Variants in DPP3 observed in about 807,000 individuals in gnomAD.
The protein encoded by DPP3 is dipeptidyl peptidase 3.
Under a neutral mutation model 89.8 loss-of-function variants are expected in DPP3, and 64 were observed. The observed-to-expected ratio is 0.71, with a 90% CI of 0.58 to 0.88. The LOEUF is 0.88. Ranked by LOEUF, DPP3 falls within the 40% of genes least tolerant of loss-of-function variation. The pLI is 0.00. For missense variants in DPP3, 835 were observed against 972.5 expected (o/e 0.86, Z 1.88); for synonymous variants, 377 against 404.3 (o/e 0.93, Z 0.81).
chr11:66,493,396 T>C (rs1855449173), intron 11 of DPP3, 145 bp from the exon 12 acceptor site: 2 of 881,032 alleles, frequency 2.3e-6, no homozygotes, highest in Non-Finnish European at 3.5e-6. Flanking sequence ...GTTGCAAGGA[T>C]GAAATGGGCT....
rs1451570883 is a variant in DPP3 at position 66,509,109 on chromosome 11, C to T, written c.2072C>T (p.Ala691Val). The T allele has an allele frequency of 3.1e-6, 5 of 1,614,130 alleles. No homozygotes were observed. The highest frequency in any genetic ancestry group is 1.7e-4 in the Middle Eastern group (1 of 6,058). Residue 691 changes from alanine (A) to valine (V), a missense_variant, in exon 18 of 18, where the codon GCG becomes GTG. Physicochemically the swap from Ala to Val is moderately conservative, Grantham distance 64. Transcript: ENST00000531863. ...GSDVQLLEYE[A>V]SAAGLIRSFS... Reference sequence around the variant, plus strand: ...GACGTGCAGCTTCTGGAATACGAGGCGTCAGCTGCTGGCCTCATCCGATCC... The same window carrying T: ...GACGTGCAGCTTCTGGAATACGAGGTGTCAGCTGCTGGCCTCATCCGATCC...
At chr11:66,495,085 C>T (rs767897471) in intron 12 of DPP3, 121 bp from the exon 13 acceptor site, 18 of 1,429,180 alleles carry the variant, frequency 1.3e-5, no homozygotes, top group African/African-American at 7.0e-5. Flanking sequence ...CTGCTGCTCC[C>T]GCCGCCCGCT....
chr11:66,487,440 T>C, intron 5 of DPP3, 98 bp downstream of exon 5: 1 of 1,277,226 alleles, frequency 7.8e-7, no homozygotes, highest in Non-Finnish European at 1.1e-6. Context: ...TCTGCTTGAC[T>C]ACTCCCTGTG....
intron 17 of DPP3, among the ~76,000 whole-genome samples, chr11:66,508,454 G>C (rs1405388486): frequency 6.6e-6 from 1 of 152,176 alleles, no homozygotes; most frequent in Non-Finnish European, 1.5e-5. Flanking sequence ...TTGCTGAATT[G>C]TGAGCTTCAG....
At chr11:66,489,110 G>A (rs7943327) in intron 6 of DPP3, among the ~76,000 whole-genome samples, 7 of 151,908 alleles carry the variant, frequency 4.6e-5, no homozygotes, top group African/African-American at 7.3e-5. Context: ...GGTGATCCGC[G>A]TGCCTCTCGG....
At chr11:66,486,876 C>G (rs1855244342) in intron 4 of DPP3, among the ~76,000 whole-genome samples, 199 bp downstream of exon 4, 2 of 152,262 alleles carry the variant, frequency 1.3e-5, no homozygotes, top group Middle Eastern at 3.4e-3. Flanking sequence ...TTCTGAATGC[C>G]CTCCCAGATC....
chr11:66,483,529 G>A (rs1246258501), intron 2 of DPP3, among the ~76,000 whole-genome samples: 3 of 151,866 alleles, frequency 2.0e-5, no homozygotes, highest in African/African-American at 7.3e-5. Flanking sequence ...CTTTTTTATT[G>A]ACTGTAAAGC....
intron 6 of DPP3, among the ~76,000 whole-genome samples, chr11:66,490,546 G>A (rs1387603513): frequency 2.0e-5 from 3 of 151,718 alleles, no homozygotes; most frequent in Admixed American, 6.6e-5. Context: ...TGGGACTGTC[G>A]ATTACATTTG....
intron 11 of DPP3, 95 bp from the exon 12 acceptor site, chr11:66,493,446 C>T: frequency 7.6e-7 from 1 of 1,313,960 alleles, no homozygotes; most frequent in Admixed American, 2.1e-5. Context: ...AGCACATGCA[C>T]TGAGATGGGT....
rs190998270 is a variant in DPP3, at chr11:66,492,593, C to T, written c.989-123C>T. The T allele has an allele frequency of 4.8e-5, 58 of 1,208,468 alleles. No homozygotes were observed. In the East Asian group the frequency reaches 1.4e-3, roughly 29 times the overall value. 74.9% of individuals were successfully genotyped at this position (1,208,468 alleles called of 1,614,324 possible). A position where few individuals can be genotyped will look rare whatever the true frequency, so the allele number is the denominator to read the frequency against. On this transcript the variant is annotated intron_variant, in intron 9 of 17. Transcript: ENST00000531863. ...CCCAGGCCTGGGTCACTGCTATCCC[C>T]ATCTTCCAGCCCAGGGTGACTGCAT...
intron 17 of DPP3, among the ~76,000 whole-genome samples, chr11:66,508,652 AGCTGGGACTACAG>A (rs947682949): frequency 2.0e-5 from 3 of 152,124 alleles, no homozygotes; most frequent in Non-Finnish European, 4.4e-5. Context: ...CCTCCCGAGT[AGCTGGGACTACAG>A]GCTCATGCCA....
At chr11:66,486,822 AG>A in intron 4 of DPP3, 145 bp downstream of exon 4, 1 of 1,022,700 alleles carries the variant, frequency 9.8e-7, no homozygotes, top group Non-Finnish European at 1.4e-6. Flanking sequence ...TGCAGGCCTC[AG>A]TTTTGTCATC....
intron 14 of DPP3, 68 bp from the exon 15 acceptor site, chr11:66,495,562 G>A (rs1250362894): frequency 6.2e-7 from 1 of 1,612,918 alleles, no homozygotes; most frequent in Non-Finnish European, 8.5e-7. Context: ...AGGGTGGGTG[G>A]TAGTGGCCAG....
Position 66,482,313 on chromosome 11 carries a change from C to G in DPP3, c.113C>G (p.Ser38Cys). ...PTERLYAYHL[S>C]RAAWYGGLAV... is the part of the protein sequence containing the mutation. Reference sequence around the variant, plus strand: ...GAGCGCCTCTATGCCTACCACCTGTCCCGTGCCGCCTGGTACGGAGGCCTG... The same window carrying G: ...GAGCGCCTCTATGCCTACCACCTGTGCCGTGCCGCCTGGTACGGAGGCCTG... The change falls in exon 2 of 18, where the codon TCC (serine) becomes TGC (cysteine). Residue 38 changes from serine to cysteine, a missense_variant. Transcript: ENST00000531863. 1 of 1,614,048 alleles carries G rather than the reference C, an allele frequency of 6.2e-7. No homozygotes were observed. The highest frequency in any genetic ancestry group is 1.1e-5 in the South Asian group (1 of 91,086).
rs200849857 is a variant in DPP3, at chr11:66,492,879, C to T, written c.1152C>T (p.Ser384=). 9.9e-6 allele frequency: 16 copies of T among 1,613,314 alleles called. No individual in the cohort carries two copies. Among genetic ancestry groups the T allele is most frequent in the African/African-American group, 6.7e-5 (5 of 74,916 alleles). The change falls in exon 10 of 18, where the codon TCC becomes TCT. Residue 384 remains serine (S), a synonymous_variant. Coordinates refer to ENST00000531863, the MANE Select transcript of DPP3 (RefSeq NM_130443.4). The part of the protein sequence containing the change: ...TSLDVLTFAG[S]GIPAGINIPN... ...TGGATGTTCTCACCTTCGCTGGCTCCGGCATCCCTGCCGGCATCAACATCC... is the reference window on the plus strand; with the variant it reads ...TGGATGTTCTCACCTTCGCTGGCTCTGGCATCCCTGCCGGCATCAACATCC...
intron 6 of DPP3, among the ~76,000 whole-genome samples, chr11:66,488,890 C>T (rs1040275814): frequency 3.3e-5 from 5 of 152,100 alleles, no homozygotes; most frequent in South Asian, 2.1e-4. Flanking sequence ...CTTGCTGTAT[C>T]GCCCAGGCTG....
chr11:66,492,989 C>T, intron 10 of DPP3, 78 bp from the exon 11 acceptor site: 2 of 1,605,304 alleles, frequency 1.2e-6, no homozygotes, highest in East Asian at 4.5e-5. Context: ...CACACACCCT[C>T]CACAAACTGC....
chr11:66,497,441 C>T lies in DPP3; in HGVS notation c.1842C>T (p.Gly614=), dbSNP rs529593558. ...ACCGCAGCAAGATCCGGTCTGTGGG[C>T]AAGCCTGCTCTAGAGCGCTTCCTGC... ...RLDRSKIRSV[G]KPALERFLRR... The change falls in exon 16 of 18, where the codon GGC becomes GGT. Residue 614 remains glycine, a synonymous_variant. Coordinates refer to ENST00000531863, the MANE Select transcript of DPP3 (RefSeq NM_130443.4). 54 of 1,613,960 alleles carry T rather than the reference C, an allele frequency of 3.3e-5. No individual in the cohort carries two copies. The East Asian group carries it at 1.2e-3, about 36-fold the overall frequency.
At chr11:66,498,381 C>T (rs1455203846) in intron 16 of DPP3, among the ~76,000 whole-genome samples, 1 of 152,188 alleles carries the variant, frequency 6.6e-6, no homozygotes, top group Non-Finnish European at 1.5e-5. Context: ...GCGTGAGCCA[C>T]CGGGCCTGGC....
Sources: allele counts gnomAD v4.1 joint callset (sites outside exome capture counted in the v4.1 genomes callset), GRCh38; gene constraint gnomAD v4.1.1; transcripts MANE v1.5; gene names NCBI Gene and HGNC (gene_info 2026-07-23, HGNC 2026-07-21).